Variants in CDK19 observed in about 807,000 individuals in gnomAD.
CDK19 encodes the protein cyclin dependent kinase 19, also known as cyclin-dependent kinase 19.
Under a neutral mutation model 68.3 loss-of-function variants are expected in CDK19, and 20 were observed. The ratio of observed to expected loss-of-function variants is 0.29; its 90% confidence interval spans 0.21 to 0.43. The LOEUF (loss-of-function observed/expected upper bound fraction) is 0.43, where lower values mean the gene tolerates loss of function less well. Ranked by LOEUF, CDK19 falls within the 20% of genes least tolerant of loss-of-function variation. CDK19 has a pLI of 1.00. For synonymous variants in CDK19, 221 were observed against 222.8 expected, an observed-to-expected ratio of 0.99 and a Z score of 0.07; for missense variants, 339 against 623.5, an observed-to-expected ratio of 0.54 and a Z score of 4.86.
At chr6:110,664,014 GA>G (rs149196265) in intron 4 of CDK19, among the ~76,000 whole-genome samples, 1 of 152,016 alleles carries the variant, frequency 6.6e-6, no homozygotes, top group South Asian at 2.1e-4. Flanking sequence ...TCTAGTGGGG[GA>G]AAAAATCATT....
chr6:110,734,033 GT>G (rs1244670372), intron 2 of CDK19, among the ~76,000 whole-genome samples: 1 of 151,588 alleles, frequency 6.6e-6, no homozygotes, highest in Non-Finnish European at 1.5e-5. Flanking sequence ...GTTTTTGTTT[GT>G]TTTTTTGAGA....
intron 1 of CDK19, among the ~76,000 whole-genome samples, chr6:110,773,215 C>T (rs751354274): frequency 6.6e-6 from 1 of 151,424 alleles, no homozygotes; most frequent in East Asian, 1.9e-4. Flanking sequence ...CGTGATGGTG[C>T]GTGTCTGTAG....
chr6:110,668,315 T>C (rs776091863), intron 3 of CDK19, among the ~76,000 whole-genome samples: 7 of 152,092 alleles, frequency 4.6e-5, no homozygotes, highest in Non-Finnish European at 7.4e-5. Context: ...ATGCAAACAA[T>C]ACTGATGAAA....
intron 12 of CDK19, among the ~76,000 whole-genome samples, chr6:110,617,395 T>C (rs1778383951): frequency 6.6e-6 from 1 of 152,092 alleles, no homozygotes; most frequent in African/African-American, 2.4e-5. Context: ...CATGTTGGGT[T>C]TCCCCCTCAG....
At chr6:110,719,222 G>A (rs79027461) in intron 2 of CDK19, among the ~76,000 whole-genome samples, 2,233 of 152,296 alleles carry the variant, frequency 0.015, 34 homozygotes, top group Non-Finnish European at 0.023. Context: ...GGTAGCCCAT[G>A]CCTATAATCC....
intron 4 of CDK19, among the ~76,000 whole-genome samples, chr6:110,659,404 C>T (rs975601631): frequency 6.6e-6 from 1 of 152,256 alleles, no homozygotes. Flanking sequence ...CTCTCTTCAG[C>T]TAAAGGTCTT....
intron 1 of CDK19, among the ~76,000 whole-genome samples, chr6:110,748,439 CTAAAA>C (rs1284261393): frequency 6.6e-6 from 1 of 152,068 alleles, no homozygotes; most frequent in Non-Finnish European, 1.5e-5. Flanking sequence ...CTTCCACCTG[CTAAAA>C]TAAAATACTA....
chr6:110,815,097 C>T lies in CDK19; in HGVS notation c.40G>A (p.Glu14Lys), dbSNP rs1156998824. The T allele has an allele frequency of 1.2e-6, 2 of 1,603,010 alleles. No homozygotes were observed. The highest frequency in any genetic ancestry group is 1.7e-6 in the Non-Finnish European group (2 of 1,175,786). The change falls in exon 1 of 13, where the codon GAG becomes AAG. Residue 14 changes from glutamate (E) to lysine (K), a missense_variant. By Grantham distance (56) the Glu-to-Lys change is moderately conservative. This residue lies in a region of CDK19 where 120 missense variants were observed against 224.0 expected (regional missense o/e 0.54). Transcript: ENST00000368911. Reference protein sequence around the residue: ...DFKAKLAAERERVEDLFEYEG... With the variant: ...DFKAKLAAERKRVEDLFEYEG... ...TACTCAAACAAATCCTCCACCCGCT[C>T]CCGCTCCGCCGCCAGCTTCGCCTTG...
intron 2 of CDK19, among the ~76,000 whole-genome samples, chr6:110,705,042 GT>G (rs71664467): frequency 0.26 from 36,071 of 140,786 alleles, 4,917 homozygotes; most frequent in East Asian, 0.66. Context: ...AAGAAATGTA[GT>G]TTTTTTTTTT....
chr6:110,716,759 T>A (rs1775435764), intron 2 of CDK19, among the ~76,000 whole-genome samples: 1 of 152,324 alleles, frequency 6.6e-6, no homozygotes, highest in South Asian at 2.1e-4. Context: ...ACTCTCTATA[T>A]ATTCTTCTCT....
intron 1 of CDK19, among the ~76,000 whole-genome samples, chr6:110,751,047 C>T (rs1035004942): frequency 6.6e-6 from 1 of 152,056 alleles, no homozygotes; most frequent in African/African-American, 2.4e-5. Flanking sequence ...TGTTGCCAGG[C>T]TGGTCTCGAC....
chr6:110,723,018 A>C (rs2114753209), intron 2 of CDK19, among the ~76,000 whole-genome samples: 1 of 152,132 alleles, frequency 6.6e-6, no homozygotes, highest in African/African-American at 2.4e-5. Flanking sequence ...GCTCTTCCAA[A>C]ACCTTGTCAA....
intron 2 of CDK19, among the ~76,000 whole-genome samples, chr6:110,681,205 G>A (rs1037037779): frequency 2.0e-5 from 3 of 151,748 alleles, no homozygotes; most frequent in African/African-American, 4.8e-5. Context: ...AATCAGCCGA[G>A]CGTGGTACCG....
intron 4 of CDK19, among the ~76,000 whole-genome samples, chr6:110,663,812 T>C (rs972373916): frequency 1.3e-5 from 2 of 152,198 alleles, no homozygotes; most frequent in African/African-American, 2.4e-5. Context: ...ATTACAAGCA[T>C]GAGCCACCAT....
chr6:110,646,163 C>A, intron 4 of CDK19: 2 of 1,064,312 alleles, frequency 1.9e-6, no homozygotes, highest in Non-Finnish European at 2.7e-6. Context: ...GCACGCAGCG[C>A]GCCACCGGCC....
intron 2 of CDK19, among the ~76,000 whole-genome samples, chr6:110,723,571 A>T (rs1417128656): frequency 6.6e-6 from 1 of 152,220 alleles, no homozygotes; most frequent in Non-Finnish European, 1.5e-5. Flanking sequence ...TAGGTTCCTG[A>T]CCTACAAAAT....
chr6:110,725,614 T>C (rs1394461027), intron 2 of CDK19, among the ~76,000 whole-genome samples: 2 of 152,172 alleles, frequency 1.3e-5, no homozygotes, highest in Non-Finnish European at 2.9e-5. Context: ...TGCAGCCTAA[T>C]TGGCTGAGAA....
intron 2 of CDK19, among the ~76,000 whole-genome samples, chr6:110,739,734 A>T (rs2114844010): frequency 6.6e-6 from 1 of 151,620 alleles, no homozygotes; most frequent in South Asian, 2.1e-4. Flanking sequence ...GGACTCAAGC[A>T]ATCCTCCCAC....
intron 2 of CDK19, among the ~76,000 whole-genome samples, chr6:110,722,588 A>G (rs1775984145): frequency 6.6e-6 from 1 of 152,092 alleles, no homozygotes; most frequent in Admixed American, 6.6e-5. Flanking sequence ...TAATAGGAAA[A>G]TACATTTAAA....
Sources: allele counts gnomAD v4.1 joint callset (sites outside exome capture counted in the v4.1 genomes callset), GRCh38; gene constraint gnomAD v4.1.1; regional missense constraint gnomAD v4.1.1; transcripts MANE v1.5; gene names NCBI Gene and HGNC (gene_info 2026-07-23, HGNC 2026-07-21).